The following GNL3L variants were observed in gnomAD, a reference collection of about 807,000 sequenced individuals.
The protein encoded by GNL3L is G protein nucleolar 3 like, also known as guanine nucleotide-binding protein-like 3-like protein.
A neutral mutation model predicts 42.9 loss-of-function variants in GNL3L; 4 were observed. That is an observed-to-expected ratio of 0.09 (90% confidence interval 0.05 to 0.21). The LOEUF (loss-of-function observed/expected upper bound fraction) is 0.21, where lower values mean the gene tolerates loss of function less well. Among genes scored for constraint, GNL3L ranks in the 10% least tolerant of loss-of-function variants. The pLI is 1.00. For missense variants in GNL3L, 412 were observed against 481.7 expected (o/e 0.86, Z 1.36); for synonymous variants, 159 against 176.3 (o/e 0.90, Z 0.78).
intron 16 of GNL3L, among the ~76,000 whole-genome samples, chrX:54,619,249 ATAAG>A (rs1411046459): frequency 3.6e-5 from 4 of 111,434 alleles, no homozygotes; most frequent in South Asian, 7.5e-4. Flanking sequence ...AAATTATTAA[ATAAG>A]TAATGGTATA....
intron 16 of GNL3L, among the ~76,000 whole-genome samples, chrX:54,600,733 A>T (rs953920007): frequency 4.5e-5 from 5 of 111,017 alleles, no homozygotes; most frequent in African/African-American, 1.6e-4. Flanking sequence ...CTCTAGTGGG[A>T]GACGTTGGAG....
chrX:54,543,504 G>A (rs758685426), intron 7 of GNL3L, among the ~76,000 whole-genome samples, 162 bp downstream of exon 7: 9 of 112,078 alleles, frequency 8.0e-5, no homozygotes, highest in Non-Finnish European at 1.5e-4. Flanking sequence ...CACAGAGTAT[G>A]GTACAAGTTA....
downstream of GNL3L, among the ~76,000 whole-genome samples, chrX:54,622,095 A>C (rs138451406): frequency 3.8e-3 from 423 of 110,370 alleles, 1 homozygote; most frequent in Non-Finnish European, 5.9e-3. Flanking sequence ...TCTTAAAAAA[A>C]TTATACCAAT....
intron 7 of GNL3L, 134 bp downstream of exon 7, chrX:54,543,476 G>A (rs1249595471): frequency 1.6e-5 from 10 of 632,719 alleles, no homozygotes; most frequent in Non-Finnish European, 2.2e-5. Context: ...TTTTTGTTCC[G>A]ATTTTCAAAG....
At chrX:54,540,079 G>A in intron 3 of GNL3L, 56 bp from the exon 4 acceptor site, 1 of 758,372 alleles carries the variant, frequency 1.3e-6, no homozygotes, top group Non-Finnish European at 2.0e-6. Context: ...CTGCCTTTTT[G>A]AGGTGATTTC....
At chrX:54,575,367 C>A (rs1377215987) in intron 16 of GNL3L, among the ~76,000 whole-genome samples, 3 of 112,446 alleles carry the variant, frequency 2.7e-5, no homozygotes, top group African/African-American at 9.7e-5. Context: ...AAATTTCCTT[C>A]TGTTGTTGAT....
At chrX:54,606,990 CCTTTCCTTT>C (rs1422914075) in intron 16 of GNL3L, among the ~76,000 whole-genome samples, 3 of 72,187 alleles carry the variant, frequency 4.2e-5, no homozygotes, top group South Asian at 1.3e-3. Context: ...TCTTTCCTTT[CCTTTCCTTT>C]CTTTCTTTCT....
At chrX:54,603,019 T>C (rs768784508) in intron 16 of GNL3L, among the ~76,000 whole-genome samples, 1 of 111,908 alleles carries the variant, frequency 8.9e-6, no homozygotes, top group South Asian at 3.7e-4. Context: ...TATTTTAAGC[T>C]GCTAATTTTG....
rs1055229815 is a variant in GNL3L, at chrX:54,562,621, A to G, written c.*2019A>G. Among the ~76,000 whole-genome samples the G allele has an allele frequency of 2.7e-5, 3 of 109,366 alleles. No homozygotes were observed. The highest frequency in any genetic ancestry group is 1.0e-4 in the African/African-American group (3 of 30,061). The allele number at this position is 109,366 out of a possible 115,157, so 95.0% of individuals were successfully genotyped here. On this transcript the variant is annotated 3_prime_UTR_variant, in exon 16 of 16. Transcript: ENST00000360845. ...GTAAGGGATTCGTCTCCCCAAATGA[A>G]AAAAAAAAGTAATCTCAGAATGTTG...
At chrX:54,590,285 A>G (rs996702257) in intron 16 of GNL3L, among the ~76,000 whole-genome samples, 2 of 112,062 alleles carry the variant, frequency 1.8e-5, no homozygotes, top group Non-Finnish European at 3.8e-5. Context: ...TGTAGTTTTG[A>G]TTTGTATTTC....
At chrX:54,603,158 C>G (rs953685458) in intron 16 of GNL3L, among the ~76,000 whole-genome samples, 4 of 111,126 alleles carry the variant, frequency 3.6e-5, no homozygotes, top group Non-Finnish European at 7.5e-5. Context: ...TTTGAAGGTG[C>G]TCTCACTAGC....
At chrX:54,556,671 C>T (rs752096346) in intron 14 of GNL3L, among the ~76,000 whole-genome samples, 10 of 110,812 alleles carry the variant, frequency 9.0e-5, no homozygotes, top group Non-Finnish European at 1.3e-4. Flanking sequence ...TGACCCACTG[C>T]GCCCAGCCAG....
intron 16 of GNL3L, among the ~76,000 whole-genome samples, chrX:54,615,040 G>T (rs1239385632): frequency 1.8e-5 from 2 of 111,710 alleles, no homozygotes; most frequent in East Asian, 5.7e-4. Flanking sequence ...CACCCCAAAA[G>T]AAAACCCTAT....
chrX:54,637,643 C>T, the GNL3L span, among the ~76,000 whole-genome samples: 1 of 112,191 alleles, frequency 8.9e-6, no homozygotes. Flanking sequence ...GATTTAAAGG[C>T]CTCTGCTTTA....
In GNL3L at chrX:54,613,131, C is replaced by T. The variant is rs1926181397; in HGVS notation, c.*46-7714C>T. ...TGGAGACTTTGTTCATATTTCCTTA[C>T]TCTTTTTTCTTTGTCTTTGTTGGAT... is the stretch of plus-strand genomic sequence containing the variant. On this transcript the variant is annotated intron_variant, in intron 16 of 16. Transcript: ENST00000674498. Among the ~76,000 whole-genome samples the T allele has an allele frequency of 4.5e-5, 5 of 111,597 alleles. No homozygotes were observed. The South Asian group carries it at 1.9e-3, about 42-fold the overall frequency.
chrX:54,551,126 C>G (rs1444747016), intron 10 of GNL3L, 76 bp downstream of exon 10: 1 of 597,529 alleles, frequency 1.7e-6, no homozygotes. Context: ...GCCTTCAGCC[C>G]CTGTCCCTTT....
intron 16 of GNL3L, among the ~76,000 whole-genome samples, chrX:54,590,146 G>A (rs182548080): frequency 8.3e-4 from 92 of 110,980 alleles, no homozygotes; most frequent in African/African-American, 2.9e-3. Flanking sequence ...CACCAGGTTG[G>A]TCAGGCTGGT....
chrX:54,579,919 C>A (rs945672774), intron 16 of GNL3L, among the ~76,000 whole-genome samples: 1 of 108,752 alleles, frequency 9.2e-6, no homozygotes, highest in Non-Finnish European at 1.9e-5. Context: ...CTCAGGTGAT[C>A]CACCAGCCTC....
At chrX:54,639,456 T>C in the GNL3L span, among the ~76,000 whole-genome samples, 4 of 112,152 alleles carry the variant, frequency 3.6e-5, no homozygotes, top group African/African-American at 9.7e-5. Flanking sequence ...CTGGGTTATC[T>C]TGGGACTAGA....
Sources: allele counts gnomAD v4.1 joint callset (sites outside exome capture counted in the v4.1 genomes callset), GRCh38; gene constraint gnomAD v4.1.1; transcripts MANE v1.5; gene names NCBI Gene and HGNC (gene_info 2026-07-23, HGNC 2026-07-21).